Variants in HTATSF1 observed in about 807,000 individuals in gnomAD.
The protein encoded by HTATSF1 is 17S U2 SnRNP complex component HTATSF1.
In HTATSF1, 6 loss-of-function variants were observed where a neutral mutation model predicts 46.1. That is an observed-to-expected ratio of 0.13 (90% CI 0.07 to 0.26). The LOEUF (loss-of-function observed/expected upper bound fraction) is 0.26. HTATSF1 is among the 10% of genes least tolerant of loss of function. HTATSF1 has a pLI of 1.00. For missense variants in HTATSF1, 452 were observed against 559.9 expected (o/e 0.81, Z 1.94); for synonymous variants, 226 against 211.5 (o/e 1.07, Z -0.60).
Position 136,511,584 on chromosome X carries a change from G to A in HTATSF1, c.1839G>A (p.Glu613=). 8.3e-7 allele frequency: 1 copy of A among 1,211,003 alleles called. No individual in the cohort carries two copies. The highest frequency in any genetic ancestry group is 1.1e-6 in the Non-Finnish European group (1 of 894,931). Residue 613 remains glutamate, a synonymous_variant, in exon 9 of 9, where the codon GAG becomes GAA. Coordinates refer to ENST00000218364, the MANE Select transcript of HTATSF1 (RefSeq NM_014500.5). ...ACGGCTCTGAAAAAGTGTTAGATGA[G>A]GAAGGCTCTGAGAGAGAGTTTGACG... ...EDDGSEKVLD[E]EGSEREFDED... is the part of the protein sequence containing the mutation.
At chrX:136,499,887 GT>G in intron 2 of HTATSF1, 109 bp downstream of exon 2, 1 of 614,746 alleles carries the variant, frequency 1.6e-6, no homozygotes, top group Non-Finnish European at 2.4e-6. Context: ...AATAAGGTGA[GT>G]TTTTTCTTTA....
chrX:136,507,444 C>A (rs1397238553), intron 6 of HTATSF1, among the ~76,000 whole-genome samples: 1 of 110,586 alleles, frequency 9.0e-6, no homozygotes, highest in Non-Finnish European at 1.9e-5. Flanking sequence ...ACCTGTAATC[C>A]CAGCTACTTG....
In HTATSF1 at chrX:136,500,799, G is replaced by A; in HGVS notation, c.551G>A (p.Gly184Asp). The A allele has an allele frequency of 9.0e-7, 1 of 1,116,151 alleles. No homozygotes were observed. Among genetic ancestry groups the A allele is most frequent in the Non-Finnish European group, 1.2e-6 (1 of 848,881 alleles). The allele number at this position is 1,116,151 out of a possible 1,213,427, so 92.0% of individuals were successfully genotyped here. Reference sequence around the variant, plus strand: ...AATCAAGGAAATCTTAAAGGAGACGGTCTTTGCTGTTATTTGAAAGTAAGT... The same window carrying A: ...AATCAAGGAAATCTTAAAGGAGACGATCTTTGCTGTTATTTGAAAGTAAGT... ...KDNQGNLKGD[G>D]LCCYLKRESV... is the part of the protein sequence containing the mutation. Residue 184 changes from glycine to aspartate, a missense_variant, in exon 4 of 9, where the codon GGT (glycine) becomes GAT (aspartate). By Grantham distance (94) the Gly-to-Asp change is moderately conservative. Around this residue, in one of 3 missense-constraint regions of HTATSF1, gnomAD observed 117 missense variants for 222.2 expected, o/e 0.53. Transcript: ENST00000218364.
At chrX:136,507,624 A>G (rs1448565779) in intron 6 of HTATSF1, among the ~76,000 whole-genome samples, 2 of 109,997 alleles carry the variant, frequency 1.8e-5, no homozygotes, top group Non-Finnish European at 3.8e-5. Flanking sequence ...GGTGATGCCT[A>G]CCCCCACCAT....
rs1183442330 is a variant in HTATSF1, at chrX:136,510,070, T to G, written c.925-12T>G. ...ATCATTCATTCCTTTTTTTTCTTTC[T>G]TATCTTTCTAGAGGCACCCAGATGG... On this transcript the variant is annotated splice_polypyrimidine_tract_variant and intron_variant, in intron 7 of 8. Coordinates refer to ENST00000218364, the MANE Select transcript of HTATSF1 (RefSeq NM_014500.5). 8.4e-7 allele frequency: 1 copy of G among 1,191,257 alleles called. No individual in the cohort carries two copies. Among genetic ancestry groups the G allele is most frequent in the Non-Finnish European group, 1.1e-6 (1 of 885,390 alleles).
At chrX:136,504,618 C>T (rs891039505) in intron 6 of HTATSF1, among the ~76,000 whole-genome samples, 155 bp downstream of exon 6, 29 of 112,433 alleles carry the variant, frequency 2.6e-4, no homozygotes, top group African/African-American at 9.1e-4. Context: ...CTACTTAAGT[C>T]TTTTGATTTC....
chrX:136,506,468 T>A (rs1288825870), intron 6 of HTATSF1, among the ~76,000 whole-genome samples: 2 of 15,187 alleles, frequency 1.3e-4, no homozygotes, highest in Non-Finnish European at 2.2e-4. Context: ...TGCTGTATTC[T>A]CAGTACATAG....
chrX:136,500,266 G>A (rs754336503), intron 3 of HTATSF1, 61 bp downstream of exon 3: 4 of 767,543 alleles, frequency 5.2e-6, no homozygotes, highest in South Asian at 4.7e-5. Context: ...GATTTTTCAC[G>A]AAGTGATTTT....
chrX:136,500,778 A>G lies in HTATSF1; in HGVS notation c.530A>G (p.Gln177Arg). Reference sequence around the variant, plus strand: ...AAGGTCAAACTTTACAAAGATAATCAAGGAAATCTTAAAGGAGACGGTCTT... The same window carrying G: ...AAGGTCAAACTTTACAAAGATAATCGAGGAAATCTTAAAGGAGACGGTCTT... The part of the protein sequence containing the change: ...EFKVKLYKDN[Q>R]GNLKGDGLCC... Residue 177 changes from glutamine to arginine, a missense_variant, in exon 4 of 9, where the codon CAA becomes CGA. Physicochemically the swap from Gln to Arg is conservative, Grantham distance 43. This residue lies in a region of HTATSF1 where 117 missense variants were observed against 222.2 expected (regional missense o/e 0.53). Coordinates refer to ENST00000218364, the MANE Select transcript of HTATSF1 (RefSeq NM_014500.5). 1 of 1,144,993 alleles carries G rather than the reference A, an allele frequency of 8.7e-7. No homozygotes were observed. The highest frequency in any genetic ancestry group is 1.2e-6 in the Non-Finnish European group (1 of 862,811). The allele number at this position is 1,144,993 out of a possible 1,213,427, so 94.4% of individuals were successfully genotyped here.
Position 136,509,170 on chromosome X carries a change from T to G in HTATSF1, c.914T>G (p.Leu305Arg). 1.7e-6 allele frequency: 2 copies of G among 1,181,140 alleles called. No homozygotes were observed. The highest frequency in any genetic ancestry group is 3.6e-5 in the South Asian group (2 of 56,215). Residue 305 changes from leucine (L) to arginine (R), a missense_variant, in exon 7 of 9, where the codon CTT becomes CGT. Physicochemically the swap from Leu to Arg is moderately radical, Grantham distance 102. Transcript: ENST00000218364. The part of the protein sequence containing the change: ...CSKFGQIRKL[L>R]LFDRHPDGVA... Reference sequence around the variant, plus strand: ...AAGTTTGGACAAATTAGGAAACTCCTTCTCTTTGATGTAAGTTCATGGCTT... The same window carrying G: ...AAGTTTGGACAAATTAGGAAACTCCGTCTCTTTGATGTAAGTTCATGGCTT...
In HTATSF1 at chrX:136,500,825, TG is replaced by T. The variant is rs1249342223; in HGVS notation, c.570+8del. On this transcript the variant is annotated splice_region_variant and intron_variant, in intron 4 of 8. Transcript: ENST00000218364. ...TCTTTGCTGTTATTTGAAAGTAAGT[TG>T]TATGATCAAATAAGTTTCTTGTATC... 1 of 1,081,237 alleles carries T rather than the reference TG, an allele frequency of 9.2e-7. No homozygotes were observed. Among genetic ancestry groups the T allele is most frequent in the Non-Finnish European group, 1.2e-6 (1 of 824,020 alleles). The allele number at this position is 1,081,237 out of a possible 1,213,427, so 89.1% of individuals were successfully genotyped here.
Position 136,511,426 on chromosome X carries a change from T to C in HTATSF1, c.1681T>C (p.Ser561Pro), listed in dbSNP as rs1312901333. ...DCSEKQSEDG[S>P]EREFEENGLE... Reference sequence around the variant, plus strand: ...CTCTGAAAAACAGTCTGAAGATGGCTCCGAAAGAGAATTTGAAGAAAATGG... The same window carrying C: ...CTCTGAAAAACAGTCTGAAGATGGCCCCGAAAGAGAATTTGAAGAAAATGG... Residue 561 changes from serine to proline, a missense_variant, in exon 9 of 9, where the codon TCC becomes CCC. Physicochemically the swap from Ser to Pro is moderately conservative, Grantham distance 74. This residue lies in a region of HTATSF1 where 246 missense variants were observed against 245.3 expected (regional missense o/e 1.00). Transcript: ENST00000218364. The C allele has an allele frequency of 8.3e-7, 1 of 1,210,788 alleles. No individual in the cohort carries two copies. Among genetic ancestry groups the C allele is most frequent in the Non-Finnish European group, 1.1e-6 (1 of 895,175 alleles).
chrX:136,508,606 A>C (rs1443641976), intron 6 of HTATSF1, among the ~76,000 whole-genome samples: 1 of 112,911 alleles, frequency 8.9e-6, no homozygotes, highest in Non-Finnish European at 1.9e-5. Flanking sequence ...TCTGTGAGTT[A>C]AAATAGCATC....
At chrX:136,506,067 T>C (rs1039329968) in intron 6 of HTATSF1, among the ~76,000 whole-genome samples, 4 of 111,966 alleles carry the variant, frequency 3.6e-5, no homozygotes, top group Non-Finnish European at 7.5e-5. Context: ...CCTCTGCAAG[T>C]AGAAGTCTGT....
chrX:136,500,773 TA>T lies in HTATSF1; in HGVS notation c.527del (p.Asn176IlefsTer14). ...EEFKVKLYKDNQGNLKGDGLC... is the reference protein window; with the variant it reads ...EEFKVKLYKDXQGNLKGDGLC... ...AATTTAAGGTCAAACTTTACAAAGA[TA>T]ATCAAGGAAATCTTAAAGGAGACGG... On this transcript the variant is annotated frameshift_variant, in exon 4 of 9. Coordinates refer to ENST00000218364, the MANE Select transcript of HTATSF1 (RefSeq NM_014500.5). LOFTEE classifies it high-confidence loss of function. 1 of 1,144,402 alleles carries T rather than the reference TA, an allele frequency of 8.7e-7. No homozygotes were observed. The highest frequency in any genetic ancestry group is 2.2e-5 in the South Asian group (1 of 45,948). 94.3% of individuals were successfully genotyped at this position (1,144,402 alleles called of 1,213,427 possible).
Position 136,511,793 on chromosome X carries a change from A to G in HTATSF1, c.2048A>G (p.Asp683Gly). 1 of 1,211,799 alleles carries G rather than the reference A, an allele frequency of 8.3e-7. No homozygotes were observed. The highest frequency in any genetic ancestry group is 1.7e-5 in the African/African-American group (1 of 57,826). The stretch of plus-strand genomic sequence containing the variant: ...GAGTCAGATGACAAGGAAGATGAAG[A>G]TGCAGATGGAAAGGAAGTTGAAGAT... ...FEESDDKEDE[D>G]ADGKEVEDAD... is the part of the protein sequence containing the mutation. Residue 683 changes from aspartate to glycine, a missense_variant, in exon 9 of 9, where the codon GAT becomes GGT. Physicochemically the swap from Asp to Gly is moderately conservative, Grantham distance 94. This residue lies in a region of HTATSF1 where 246 missense variants were observed against 245.3 expected (regional missense o/e 1.00). Transcript: ENST00000218364.
intron 6 of HTATSF1, among the ~76,000 whole-genome samples, chrX:136,505,343 C>T (rs2075736908): frequency 9.0e-6 from 1 of 111,363 alleles, no homozygotes; most frequent in African/African-American, 3.3e-5. Context: ...TAGAGAGGGC[C>T]CCAAAATGGA....
chrX:136,510,289 A>G (rs999216702), intron 8 of HTATSF1, 70 bp downstream of exon 8: 1 of 1,017,108 alleles, frequency 9.8e-7, no homozygotes, highest in African/African-American at 1.9e-5. Context: ...CTTCAGATCT[A>G]AATTTTGGGT....
intron 1 of HTATSF1, among the ~76,000 whole-genome samples, chrX:136,499,276 A>G (rs765245120): frequency 8.9e-6 from 1 of 112,456 alleles, no homozygotes; most frequent in African/African-American, 3.2e-5. Context: ...TTGTAGCCTT[A>G]GTCAAGTAGT....
Sources: gnomAD v4.1 joint callset for allele counts (sites outside exome capture counted in the v4.1 genomes callset) on GRCh38, gnomAD v4.1.1 for gene constraint, gnomAD v4.1.1 regional missense constraint, MANE v1.5 for transcripts, NCBI Gene and HGNC (gene_info 2026-07-23, HGNC 2026-07-21) for gene names.